The following KDM4A variants were observed in gnomAD, a reference collection of about 807,000 sequenced individuals.
KDM4A encodes lysine demethylase 4A.
Under a neutral mutation model 127.1 loss-of-function variants are expected in KDM4A, and 23 were observed. The observed-to-expected ratio is 0.18, with a 90% confidence interval of 0.13 to 0.26. The LOEUF (loss-of-function observed/expected upper bound fraction) is 0.26, where lower values mean the gene tolerates loss of function less well. Ranked by LOEUF, KDM4A falls within the 10% of genes least tolerant of loss-of-function variation. KDM4A has a pLI of 1.00. For missense variants in KDM4A, 890 were observed against 1,329.1 expected, an observed-to-expected ratio of 0.67 and a Z score of 5.14; for synonymous variants, 443 against 466.5, an observed-to-expected ratio of 0.95 and a Z score of 0.65.
Position 43,693,721 on chromosome 1 carries a change from C to G in KDM4A, c.2376-273C>G, listed in dbSNP as rs568877445. ...TGCCACACACCATTAGCCTGCAGCT[C>G]TGTTCATTTTTCAACAGAGTGGTGT... On this transcript the variant is annotated intron_variant, in intron 16 of 21. Coordinates refer to ENST00000372396, the MANE Select transcript of KDM4A (RefSeq NM_014663.3). This position sits in a 1 kb window ranked among gnomAD's most constrained non-coding sequence, Gnocchi z 4.2. 2.2e-4 allele frequency among the ~76,000 whole-genome samples: 33 copies of G among 152,332 alleles called. No homozygotes were observed. The highest frequency in any genetic ancestry group is 7.0e-4 in the African/African-American group (29 of 41,578).
At chr1:43,660,141 G>C (rs375433368) in intron 3 of KDM4A, among the ~76,000 whole-genome samples, 157 bp from the exon 4 acceptor site, 8 of 152,282 alleles carry the variant, frequency 5.3e-5, no homozygotes, top group East Asian at 1.9e-4. Context: ...GGGACGTTGA[G>C]GGACTGACTA....
intron 2 of KDM4A, among the ~76,000 whole-genome samples, 176 bp from the exon 3 acceptor site, chr1:43,655,415 A>G (rs976000229): frequency 6.6e-6 from 1 of 152,240 alleles, no homozygotes; most frequent in African/African-American, 2.4e-5. Flanking sequence ...GTTGGTGGCA[A>G]AAGTGGATCA....
chr1:43,669,365 A>T, intron 10 of KDM4A, 66 bp downstream of exon 10: 1 of 1,474,712 alleles, frequency 6.8e-7, no homozygotes, highest in Middle Eastern at 1.7e-4. Flanking sequence ...TAGATGCCAT[A>T]TTGAGTGCTG....
At chr1:43,666,624 C>G in intron 7 of KDM4A, 69 bp downstream of exon 7, 1 of 1,250,620 alleles carries the variant, frequency 8.0e-7, no homozygotes, top group Non-Finnish European at 1.2e-6. Flanking sequence ...CAGTTTTATT[C>G]TAGTTCATCA....
chr1:43,694,177 C>T lies in KDM4A; in HGVS notation c.2484+75C>T. On this transcript the variant is annotated intron_variant, in intron 17 of 21. Coordinates refer to ENST00000372396, the MANE Select transcript of KDM4A (RefSeq NM_014663.3). The surrounding 1 kb of genome is among the most constrained non-coding windows in gnomAD (Gnocchi z 5.2). ...TAGAAGAGAACAGGGACCTCCTGTACCCCTTGGTTTTGGTTAGAGTTTGTG... is the reference window on the plus strand; with the variant it reads ...TAGAAGAGAACAGGGACCTCCTGTATCCCTTGGTTTTGGTTAGAGTTTGTG... 1.7e-6 allele frequency: 2 copies of T among 1,205,470 alleles called. No individual in the cohort carries two copies. The highest frequency in any genetic ancestry group is 2.1e-5 in the Admixed American group (1 of 48,080). 74.7% of individuals were successfully genotyped at this position (1,205,470 alleles called of 1,614,324 possible).
chr1:43,697,282 A>G (rs1661262922), intron 18 of KDM4A, among the ~76,000 whole-genome samples: 1 of 152,238 alleles, frequency 6.6e-6, no homozygotes, highest in Non-Finnish European at 1.5e-5. Context: ...TCCTGTTTGC[A>G]TCAAGGGCAA....
chr1:43,692,377 A>T (rs767925988), intron 16 of KDM4A, 66 bp downstream of exon 16: 1 of 1,363,526 alleles, frequency 7.3e-7, no homozygotes, highest in Non-Finnish European at 1.0e-6. Flanking sequence ...TGTCTTTGTG[A>T]GGGTACTAGC....
In KDM4A at chr1:43,669,159, A is replaced by T. The variant is rs371846712; in HGVS notation, c.1223A>T (p.Glu408Val). 6.6e-5 allele frequency: 107 copies of T among 1,614,110 alleles called. No homozygotes were observed. Among genetic ancestry groups the T allele is most frequent in the Non-Finnish European group, 8.9e-5 (105 of 1,180,050 alleles). The change falls in exon 10 of 22, where the codon GAG becomes GTG. Residue 408 changes from glutamate (E) to valine (V), a missense_variant. Around this residue, in one of 7 missense-constraint regions of KDM4A, gnomAD observed 389 missense variants for 485.9 expected, o/e 0.80. Coordinates refer to ENST00000372396, the MANE Select transcript of KDM4A (RefSeq NM_014663.3). ...RHRVCLEIPQ[E>V]VSQSELFPKE... ...CGAGTTTGTCTTGAAATACCACAGG[A>T]GGTGAGTCAGAGTGAGCTCTTCCCC... is the stretch of plus-strand genomic sequence containing the variant.
chr1:43,683,909 G>A, intron 12 of KDM4A, 105 bp downstream of exon 12: 3 of 1,253,868 alleles, frequency 2.4e-6, no homozygotes, highest in South Asian at 2.9e-5. Flanking sequence ...TGGGCCTGTG[G>A]CTTAGCTGCT....
At chr1:43,661,202 C>T (rs1460250202) in intron 4 of KDM4A, among the ~76,000 whole-genome samples, 5 of 151,848 alleles carry the variant, frequency 3.3e-5, no homozygotes, top group East Asian at 2.0e-4. Flanking sequence ...TTTAAACTCC[C>T]GACCTCAGGT....
At chr1:43,701,650 G>A (rs755732982) in intron 19 of KDM4A, among the ~76,000 whole-genome samples, 1 of 152,072 alleles carries the variant, frequency 6.6e-6, no homozygotes, top group Non-Finnish European at 1.5e-5. Flanking sequence ...ATCACACCTG[G>A]ATAATTTTTT....
At chr1:43,683,320 G>T (rs1660898379) in intron 11 of KDM4A, among the ~76,000 whole-genome samples, 1 of 152,220 alleles carries the variant, frequency 6.6e-6, no homozygotes, top group Admixed American at 6.5e-5. Flanking sequence ...GGGCACCTAG[G>T]CTCCTTGGGG....
At chr1:43,666,307 G>A (rs188426238) in intron 6 of KDM4A, 145 bp from the exon 7 acceptor site, 26 of 641,760 alleles carry the variant, frequency 4.1e-5, no homozygotes, top group South Asian at 5.9e-5. Flanking sequence ...CTTAGAATTG[G>A]TGCGGAGCTA....
chr1:43,694,608 G>A lies in KDM4A; in HGVS notation c.2485-101G>A. The A allele has an allele frequency of 1.0e-6, 1 of 985,590 alleles. No homozygotes were observed. The highest frequency in any genetic ancestry group is 1.5e-6 in the Non-Finnish European group (1 of 648,852). The allele number at this position is 985,590 out of a possible 1,614,324, so 61.1% of individuals were successfully genotyped here. On this transcript the variant is annotated intron_variant, in intron 17 of 21. Transcript: ENST00000372396. The surrounding 1 kb of genome is among the most constrained non-coding windows in gnomAD (Gnocchi z 5.2). ...GTGTGTCCTTGTATTTTGGGAAGGG[G>A]CTGGCTCTTGCTTGCTTGGCTTTGC...
At chr1:43,676,796 T>A (rs897165455) in intron 11 of KDM4A, among the ~76,000 whole-genome samples, 19 of 152,226 alleles carry the variant, frequency 1.2e-4, no homozygotes, top group Admixed American at 9.2e-4. Flanking sequence ...ATTAAATCAG[T>A]GTAATTGGTA....
At chr1:43,687,046 C>G (rs1428040279) in intron 12 of KDM4A, among the ~76,000 whole-genome samples, 3 of 152,094 alleles carry the variant, frequency 2.0e-5, no homozygotes, top group Non-Finnish European at 2.9e-5. Context: ...GCCTGCCTGT[C>G]TGTTTCTGTT....
intron 3 of KDM4A, among the ~76,000 whole-genome samples, chr1:43,659,405 CCTG>C (rs1660320639): frequency 6.6e-6 from 1 of 152,150 alleles, no homozygotes; most frequent in African/African-American, 2.4e-5. Flanking sequence ...GACTCCTCCT[CCTG>C]GGTTTAAGTA....
intron 12 of KDM4A, among the ~76,000 whole-genome samples, chr1:43,687,044 G>GTC (rs1570860765): frequency 6.6e-6 from 1 of 152,164 alleles, no homozygotes; most frequent in East Asian, 1.9e-4. Flanking sequence ...GAGCCTGCCT[G>GTC]TCTGTTTCTG....
intron 3 of KDM4A, among the ~76,000 whole-genome samples, chr1:43,658,448 A>G (rs1012337899): frequency 2.6e-5 from 4 of 152,214 alleles, no homozygotes; most frequent in Middle Eastern, 3.4e-3. Context: ...TTAGGTCTCT[A>G]AAATTTATTA....
Sources: allele counts gnomAD v4.1 joint callset (sites outside exome capture counted in the v4.1 genomes callset), GRCh38; gene constraint gnomAD v4.1.1; regional missense constraint gnomAD v4.1.1; non-coding constraint Gnocchi (gnomAD v3.1); transcripts MANE v1.5; gene names NCBI Gene and HGNC (gene_info 2026-07-23, HGNC 2026-07-21).